SOS1: variants seen among roughly 807,000 people sequenced by gnomAD.
SOS1 encodes the protein SOS Ras/Rac guanine nucleotide exchange factor 1.
Under a neutral mutation model 157.6 loss-of-function variants are expected in SOS1, and 25 were observed. The ratio of observed to expected loss-of-function variants is 0.16; its 90% CI spans 0.12 to 0.22. SOS1 has a LOEUF of 0.22. Among genes scored for constraint, SOS1 ranks in the 10% least tolerant of loss-of-function variants. The pLI is 1.00. For missense variants in SOS1, 1,237 were observed against 1,599.1 expected (o/e 0.77, Z 3.86); for synonymous variants, 528 against 534.0 (o/e 0.99, Z 0.16).
chr2:39,105,290 A>AT (rs917069785), intron 1 of SOS1, among the ~76,000 whole-genome samples: 167 of 144,372 alleles, frequency 1.2e-3, no homozygotes, highest in Middle Eastern at 3.7e-3. Context: ...ATCCTGAACT[A>AT]TTTTTTTTTT....
chr2:39,056,143 C>T (rs1671202116), intron 4 of SOS1, among the ~76,000 whole-genome samples: 1 of 152,100 alleles, frequency 6.6e-6, no homozygotes, highest in Non-Finnish European at 1.5e-5. Flanking sequence ...AAGAAATTAA[C>T]TACTAGCTGG....
At position 39,067,633 on chromosome 2, in the gene SOS1, C is replaced by T; in HGVS notation, c.208G>A (p.Val70Ile). The part of the protein sequence containing the change: ...CQAQPRSASD[V>I]EERVQKSFPH... Reference sequence around the variant, plus strand: ...CAAGACAACATTTGTCATACCTCTACATCTGAAGCACTTCGGGGCTGAGCT... The same window carrying T: ...CAAGACAACATTTGTCATACCTCTATATCTGAAGCACTTCGGGGCTGAGCT... The change falls in exon 2 of 23, where the codon GTA becomes ATA. Residue 70 changes from valine (V) to isoleucine (I), a missense_variant. Val to Ile is a conservative substitution (Grantham distance 29). Coordinates refer to ENST00000402219, the MANE Select transcript of SOS1 (RefSeq NM_005633.4). 1 of 1,613,242 alleles carries T rather than the reference C, an allele frequency of 6.2e-7. No homozygotes were observed. The highest frequency in any genetic ancestry group is 2.2e-5 in the East Asian group (1 of 44,860).
At chr2:39,013,720 T>C in intron 12 of SOS1, 147 bp downstream of exon 12, 1 of 877,708 alleles carries the variant, frequency 1.1e-6, no homozygotes. Context: ...GCTTATACTA[T>C]AATTTCTGAT....
At chr2:39,002,901 C>T (rs570123134) in intron 17 of SOS1, among the ~76,000 whole-genome samples, 2 of 151,712 alleles carry the variant, frequency 1.3e-5, no homozygotes, top group Non-Finnish European at 2.9e-5. Flanking sequence ...CCTGTATCTA[C>T]AAAAAATAAA....
intron 1 of SOS1, among the ~76,000 whole-genome samples, chr2:39,075,360 T>C (rs769477583): frequency 2.6e-5 from 4 of 152,128 alleles, no homozygotes; most frequent in African/African-American, 9.7e-5. Flanking sequence ...AAATTCAAGT[T>C]TGACATATGA....
At chr2:39,013,363 C>T (rs1669528519) in intron 13 of SOS1, 97 bp downstream of exon 13, 1 of 813,454 alleles carries the variant, frequency 1.2e-6, no homozygotes, top group Non-Finnish European at 2.2e-6. Flanking sequence ...CTATTATAAA[C>T]ATCTTACATT....
At chr2:39,094,931 C>G (rs1558510754) in intron 1 of SOS1, among the ~76,000 whole-genome samples, 1 of 152,100 alleles carries the variant, frequency 6.6e-6, no homozygotes, top group Non-Finnish European at 1.5e-5. Context: ...GTTTTCAAAA[C>G]TTTTAGATGG....
Position 39,035,006 on chromosome 2 carries a change from A to T in SOS1, c.1074+206T>A, listed in dbSNP as rs1226872731. The T allele has an allele frequency of 7.9e-6, 5 of 630,814 alleles. No homozygotes were observed. The East Asian group carries it at 8.5e-5, about 11-fold the overall frequency. The allele number at this position is 630,814 out of a possible 1,614,324, so 39.1% of individuals were successfully genotyped here. ...AGAAAAAACAAAAAACAAAAAAATTAAAAAACAACAAAAATAAAATTCACT... is the reference window on the plus strand; with the variant it reads ...AGAAAAAACAAAAAACAAAAAAATTTAAAAACAACAAAAATAAAATTCACT... On this transcript the variant is annotated intron_variant, in intron 8 of 22. Coordinates refer to ENST00000402219, the MANE Select transcript of SOS1 (RefSeq NM_005633.4).
intron 6 of SOS1, among the ~76,000 whole-genome samples, chr2:39,038,266 A>C (rs1670425719): frequency 6.6e-6 from 1 of 152,100 alleles, no homozygotes; most frequent in African/African-American, 2.4e-5. Context: ...GTTGATTCCA[A>C]CTCTCAGGGA....
chr2:39,074,478 T>G (rs1441765246), intron 1 of SOS1, among the ~76,000 whole-genome samples: 1 of 151,594 alleles, frequency 6.6e-6, no homozygotes, highest in Non-Finnish European at 1.5e-5. Context: ...GCAGGAGAAT[T>G]GCTTGAACCC....
intron 1 of SOS1, among the ~76,000 whole-genome samples, chr2:39,087,995 G>GAATGCTA: frequency 6.6e-6 from 1 of 151,074 alleles, no homozygotes; most frequent in East Asian, 2.0e-4. Context: ...AAATGTGGTA[G>GAATGCTA]AATGCTAAAT....
At chr2:39,055,493 T>C (rs995698977) in intron 4 of SOS1, among the ~76,000 whole-genome samples, 2 of 152,212 alleles carry the variant, frequency 1.3e-5, no homozygotes, top group Admixed American at 6.5e-5. Flanking sequence ...AAAAATATTT[T>C]ATTTATCTGA....
At chr2:39,071,256 C>T (rs1558499807) in intron 1 of SOS1, among the ~76,000 whole-genome samples, 1 of 152,146 alleles carries the variant, frequency 6.6e-6, no homozygotes, top group Non-Finnish European at 1.5e-5. Flanking sequence ...GAACCTGGGC[C>T]TCCTGCCTCT....
At chr2:39,120,102 T>C (rs1174903900) in intron 1 of SOS1, among the ~76,000 whole-genome samples, 1 of 152,076 alleles carries the variant, frequency 6.6e-6, no homozygotes, top group African/African-American at 2.4e-5. Context: ...TCTCAGGGGT[T>C]GGATTATCCG....
intron 1 of SOS1, among the ~76,000 whole-genome samples, chr2:39,093,427 C>G (rs1672660553): frequency 6.6e-6 from 1 of 152,148 alleles, no homozygotes; most frequent in Non-Finnish European, 1.5e-5. Context: ...ATAAGAGGGT[C>G]AGAGTCCGAC....
At chr2:39,023,275 G>A in intron 9 of SOS1, 50 bp from the exon 10 acceptor site, 1 of 1,413,860 alleles carries the variant, frequency 7.1e-7, no homozygotes, top group Non-Finnish European at 9.9e-7. Context: ...AGAAAACCTA[G>A]AGCTCATGTA....
rs565568866 is a variant in SOS1, at chr2:39,042,162, T to A, written c.865-6662A>T. On this transcript the variant is annotated intron_variant, in intron 6 of 22. Coordinates refer to ENST00000402219, the MANE Select transcript of SOS1 (RefSeq NM_005633.4). Reference sequence around the variant, plus strand: ...TGGCAAGACTTTATCTAACAGGTACTTTACCTAACAAGTACTTAAGGGGAC... The same window carrying A: ...TGGCAAGACTTTATCTAACAGGTACATTACCTAACAAGTACTTAAGGGGAC... Among the ~76,000 whole-genome samples the A allele has an allele frequency of 2.0e-5, 3 of 152,318 alleles. No individual in the cohort carries two copies. The South Asian group carries it at 6.2e-4, about 32-fold the overall frequency.
Position 39,023,109 on chromosome 2 carries a change from C to A in SOS1, c.1319G>T (p.Cys440Phe), listed in dbSNP as rs1274358093. The A allele has an allele frequency of 6.2e-7, 1 of 1,613,436 alleles. No homozygotes were observed. The highest frequency in any genetic ancestry group is 8.5e-7 in the Non-Finnish European group (1 of 1,179,598). The change falls in exon 10 of 23, where the codon TGT (cysteine) becomes TTT (phenylalanine). Residue 440 changes from cysteine (C) to phenylalanine (F), a missense_variant. By Grantham distance (205) the Cys-to-Phe change is radical (BLOSUM62 -2). Around this residue, in one of 15 missense-constraint regions of SOS1, gnomAD observed 210 missense variants for 220.2 expected, o/e 0.95. Coordinates refer to ENST00000402219, the MANE Select transcript of SOS1 (RefSeq NM_005633.4). ...TCCTTCCATTATAAATTCATTACAA[C>A]ACTGTCCAATGTCTTTTCCCTCCCA... ...DGWEGKDIGQCCNEFIMEGTL... is the reference protein window; with the variant it reads ...DGWEGKDIGQFCNEFIMEGTL...
At chr2:39,102,142 T>G (rs1297320926) in intron 1 of SOS1, among the ~76,000 whole-genome samples, 1 of 131,024 alleles carries the variant, frequency 7.6e-6, no homozygotes, top group Non-Finnish European at 1.5e-5. Context: ...GAGGCAGAGG[T>G]TGCAGTGAGC....
Sources: gnomAD v4.1 joint callset for allele counts (sites outside exome capture counted in the v4.1 genomes callset) on GRCh38, gnomAD v4.1.1 for gene constraint, gnomAD v4.1.1 regional missense constraint, MANE v1.5 for transcripts, NCBI Gene and HGNC (gene_info 2026-07-23, HGNC 2026-07-21) for gene names.